NELL2: variants seen among roughly 807,000 people sequenced by gnomAD.
The protein encoded by NELL2 is neural EGFL like 2.
Under a neutral mutation model 109.6 loss-of-function variants are expected in NELL2, and 41 were observed. The observed-to-expected ratio is 0.37, with a 90% CI of 0.29 to 0.49. The LOEUF (loss-of-function observed/expected upper bound fraction) is 0.49, where lower values mean the gene tolerates loss of function less well. Among genes scored for constraint, NELL2 ranks in the 20% least tolerant of loss-of-function variants. The pLI, the probability that NELL2 is intolerant of heterozygous loss-of-function variation, is 0.98. For missense variants in NELL2, 900 were observed against 1,008.3 expected, an observed-to-expected ratio of 0.89 and a Z score of 1.45; for synonymous variants, 355 against 344.7, an observed-to-expected ratio of 1.03 and a Z score of -0.33.
intron 12 of NELL2, among the ~76,000 whole-genome samples, chr12:44,668,246 A>T (rs567251905): frequency 6.6e-6 from 1 of 152,240 alleles, no homozygotes; most frequent in African/African-American, 2.4e-5. Flanking sequence ...AACCCCTGGG[A>T]CAAAGGAAGC....
At chr12:44,710,149 C>T (rs1467281382) in intron 11 of NELL2, among the ~76,000 whole-genome samples, 1 of 152,098 alleles carries the variant, frequency 6.6e-6, no homozygotes, top group East Asian at 1.9e-4. Flanking sequence ...CAAACTGCAC[C>T]ACCCTGCTAA....
chr12:44,609,901 T>A (rs1283171026), intron 14 of NELL2, among the ~76,000 whole-genome samples: 1 of 151,964 alleles, frequency 6.6e-6, no homozygotes, highest in Non-Finnish European at 1.5e-5. Context: ...AAATCAGCAG[T>A]TTTGAAGCTT....
intron 2 of NELL2, among the ~76,000 whole-genome samples, chr12:44,818,994 G>A (rs977619566): frequency 1.3e-5 from 2 of 151,534 alleles, no homozygotes; most frequent in East Asian, 1.9e-4. Context: ...CACCCGCCTC[G>A]GCCTCCCAAA....
At chr12:44,811,185 G>T (rs1592580663) in intron 3 of NELL2, among the ~76,000 whole-genome samples, 1 of 151,858 alleles carries the variant, frequency 6.6e-6, no homozygotes, top group Non-Finnish European at 1.5e-5. Flanking sequence ...AGGGGTCAGG[G>T]GGAAGGGGAG....
chr12:44,591,478 C>G (rs7979953), intron 15 of NELL2, among the ~76,000 whole-genome samples: 1,286 of 43,976 alleles, frequency 0.029, 15 homozygotes, highest in African/African-American at 0.17. Flanking sequence ...CTTACAGCAA[C>G]ATGGATGAGA....
chr12:44,595,268 T>C (rs938591792), intron 15 of NELL2, among the ~76,000 whole-genome samples: 15 of 152,178 alleles, frequency 9.9e-5, no homozygotes, highest in Admixed American at 3.9e-4. Flanking sequence ...AAGGCTGGAG[T>C]TGTCCCTTTT....
At chr12:44,605,036 G>T (rs1471712550) in intron 15 of NELL2, among the ~76,000 whole-genome samples, 4 of 152,106 alleles carry the variant, frequency 2.6e-5, no homozygotes, top group Non-Finnish European at 5.9e-5. Flanking sequence ...AACTAGTAAG[G>T]AAGGAAGAAA....
upstream of NELL2, chr12:44,876,551 G>T: frequency 6.9e-7 from 1 of 1,459,112 alleles, no homozygotes; most frequent in South Asian, 1.4e-5. Flanking sequence ...ACCTCCTTTC[G>T]GGATTGAAAG....
intron 9 of NELL2, among the ~76,000 whole-genome samples, chr12:44,749,874 A>T (rs1486192495): frequency 6.6e-6 from 1 of 152,190 alleles, no homozygotes; most frequent in Admixed American, 6.5e-5. Flanking sequence ...CCTGTCACTT[A>T]GTGAGTATAC....
intron 12 of NELL2, among the ~76,000 whole-genome samples, chr12:44,680,350 A>G (rs1948456485): frequency 2.0e-5 from 3 of 152,296 alleles, no homozygotes; most frequent in African/African-American, 4.8e-5. Context: ...ATACACAAAC[A>G]TATATGTTCC....
intron 9 of NELL2, among the ~76,000 whole-genome samples, chr12:44,728,836 T>C (rs929126858): frequency 6.6e-6 from 1 of 152,136 alleles, no homozygotes; most frequent in African/African-American, 2.4e-5. Context: ...GTATTTAAAG[T>C]GTTGGAAGAA....
chr12:44,716,249 GT>G (rs1938481295), intron 9 of NELL2, among the ~76,000 whole-genome samples: 1 of 152,110 alleles, frequency 6.6e-6, no homozygotes, highest in African/African-American at 2.4e-5. Context: ...AACCATGCAC[GT>G]TTTTTAAAAT....
At chr12:44,525,122 T>G (rs950393054) in intron 16 of NELL2, among the ~76,000 whole-genome samples, 1 of 152,198 alleles carries the variant, frequency 6.6e-6, no homozygotes, top group Non-Finnish European at 1.5e-5. Context: ...CTTTTTATGG[T>G]CTACTATAAG....
intron 1 of NELL2, among the ~76,000 whole-genome samples, chr12:44,900,902 T>C (rs1432046534): frequency 6.6e-6 from 1 of 152,022 alleles, no homozygotes; most frequent in South Asian, 2.1e-4. Flanking sequence ...GGCAGGACAA[T>C]TGCTTAAACC....
rs1383223159 is a variant in NELL2, at chr12:44,881,490, TAAAC to T, written c.39-5594_39-5591del. ...CAGAATAATTGAAATTAAAAACAAA[TAAAC>T]AAACAAAAATCATTAGAATGGGCCC... On this transcript the variant is annotated intron_variant, in intron 1 of 20. Coordinates refer to the NELL2 transcript ENST00000333837. Among the ~76,000 whole-genome samples, 12 of 151,354 alleles carry T rather than the reference TAAAC, an allele frequency of 7.9e-5. No individual in the cohort carries two copies. In the East Asian group the frequency reaches 1.9e-3, roughly 24 times the overall value.
chr12:44,876,257 C>A lies in NELL2; in HGVS notation c.-388G>T. The A allele has an allele frequency of 1.7e-6, 2 of 1,155,960 alleles. No individual in the cohort carries two copies. Among genetic ancestry groups the A allele is most frequent in the East Asian group, 4.6e-5 (1 of 21,522 alleles). The allele number at this position is 1,155,960 out of a possible 1,614,324, so 71.6% of individuals were successfully genotyped here. A position where few individuals can be genotyped will look rare whatever the true frequency, so the allele number is the denominator to read the frequency against. ...GGCCCCAAGAAAGCCCGGGCTGGGG[C>A]GGCCCCGCACCCCCCCGTCTTCCCC... On this transcript the variant is annotated 5_prime_UTR_variant, in exon 1 of 20. Transcript: ENST00000429094.
chr12:44,793,735 T>C (rs2136636507), intron 3 of NELL2, among the ~76,000 whole-genome samples: 1 of 151,958 alleles, frequency 6.6e-6, no homozygotes, highest in Non-Finnish European at 1.5e-5. Flanking sequence ...AAAAGACGTG[T>C]ACCTGACACA....
intron 1 of NELL2, among the ~76,000 whole-genome samples, chr12:44,892,334 AC>A (rs1382909157): frequency 6.6e-6 from 1 of 152,068 alleles, no homozygotes; most frequent in Non-Finnish European, 1.5e-5. Flanking sequence ...CTTCTCCATC[AC>A]CACCACCATG....
chr12:44,822,088 T>C (rs547754693), intron 2 of NELL2, among the ~76,000 whole-genome samples: 9 of 152,136 alleles, frequency 5.9e-5, no homozygotes, highest in African/African-American at 2.2e-4. Flanking sequence ...TAGATATGCA[T>C]TAAGCAATCT....
Sources: gnomAD v4.1 joint callset for allele counts (sites outside exome capture counted in the v4.1 genomes callset) on GRCh38, gnomAD v4.1.1 for gene constraint, MANE v1.5 for transcripts, NCBI Gene and HGNC (gene_info 2026-07-23, HGNC 2026-07-21) for gene names.